CELF2: variants seen among roughly 807,000 people sequenced by gnomAD.
CELF2 encodes CUGBP Elav-like family member 2, also known as CUG triplet repeat RNA-binding protein 2.
CELF2 carries 8 observed loss-of-function variants against 62.6 expected under a neutral mutation model. That is an observed-to-expected ratio of 0.13 (90% CI 0.07 to 0.23). The LOEUF is 0.23. Among genes scored for constraint, CELF2 ranks in the 10% least tolerant of loss-of-function variants. The probability of loss-of-function intolerance (pLI) is 1.00; values close to 1 mark genes in which losing one functional copy is unlikely to be tolerated. For synonymous variants in CELF2, 258 were observed against 250.0 expected (o/e 1.03, Z -0.30); for missense variants, 333 against 671.0 (o/e 0.50, Z 5.56).
At chr10:10,705,770 C>T in the CELF2 span, among the ~76,000 whole-genome samples, 2 of 152,182 alleles carry the variant, frequency 1.3e-5, no homozygotes, top group Non-Finnish European at 2.9e-5. Context: ...TAACATTTGG[C>T]AACCTCGTAA....
chr10:10,701,610 A>T, the CELF2 span, among the ~76,000 whole-genome samples: 1 of 152,252 alleles, frequency 6.6e-6, no homozygotes, highest in African/African-American at 2.4e-5. Flanking sequence ...ATATGTAAGC[A>T]TTACTATAAC....
At chr10:10,488,245 A>G in the CELF2 span, among the ~76,000 whole-genome samples, 2 of 152,186 alleles carry the variant, frequency 1.3e-5, no homozygotes, top group Admixed American at 6.5e-5. Flanking sequence ...AAATCAATAT[A>G]GCGATGAAAA....
chr10:11,242,527 C>T lies in CELF2; in HGVS notation c.355-6626C>T, dbSNP rs977364724. On this transcript the variant is annotated intron_variant, in intron 3 of 12. Transcript: ENST00000633077. The surrounding 1 kb of genome is among the most constrained non-coding windows in gnomAD (Gnocchi z 4.8). ...GTATAGCTGCTGGGTGCAGCTGCTC[C>T]GTGGCCAGCTTCACGGCGGCACCAG... Among the ~76,000 whole-genome samples the T allele has an allele frequency of 5.9e-5, 9 of 152,284 alleles. No individual in the cohort carries two copies. Among genetic ancestry groups the T allele is most frequent in the Middle Eastern group, 6.8e-3 (2 of 294 alleles).
rs2060754402 is a variant in CELF2 at position 11,207,626 on chromosome 10, C to T, written c.272-9799C>T. On this transcript the variant is annotated intron_variant, in intron 2 of 12. Transcript: ENST00000633077. The surrounding 1 kb of genome is among the most constrained non-coding windows in gnomAD (Gnocchi z 4.1). ...GTCCCACGCTGCCAGTGTAAGTTTC[C>T]CAGGGGAATTCCTGGGATGGCACTT... Among the ~76,000 whole-genome samples the T allele has an allele frequency of 6.6e-6, 1 of 152,208 alleles. No homozygotes were observed. Among genetic ancestry groups the T allele is most frequent in the South Asian group, 2.1e-4 (1 of 4,832 alleles).
chr10:11,038,549 G>C (rs1384201635), intron 1 of CELF2, among the ~76,000 whole-genome samples: 1 of 152,080 alleles, frequency 6.6e-6, no homozygotes, highest in Non-Finnish European at 1.5e-5. Flanking sequence ...TAGTAGTTAT[G>C]GTACTGGGAC....
the CELF2 span, among the ~76,000 whole-genome samples, chr10:10,481,010 C>T: frequency 6.6e-6 from 1 of 152,068 alleles, no homozygotes; most frequent in African/African-American, 2.4e-5. Flanking sequence ...TTGCAGTGAG[C>T]CGAGATCGCA....
chr10:10,896,613 A>G (rs2062571161), intron 1 of CELF2, among the ~76,000 whole-genome samples: 1 of 152,086 alleles, frequency 6.6e-6, no homozygotes, highest in Non-Finnish European at 1.5e-5. Flanking sequence ...ACAGGTGACA[A>G]CAGAGGCGGA....
At chr10:10,782,915 C>T in the CELF2 span, among the ~76,000 whole-genome samples, 1 of 152,186 alleles carries the variant, frequency 6.6e-6, no homozygotes, top group African/African-American at 2.4e-5. Context: ...CGTAGACCCT[C>T]CCTTGTGAAT....
chr10:10,787,117 C>T, the CELF2 span, among the ~76,000 whole-genome samples: 6 of 152,104 alleles, frequency 3.9e-5, no homozygotes, highest in African/African-American at 1.2e-4. Context: ...AAGTTCCTCC[C>T]TTGCATTTGT....
rs183418517 is a variant in CELF2 at position 11,246,938 on chromosome 10, A to C, written c.355-2215A>C. Among the ~76,000 whole-genome samples, 1 of 152,076 alleles carries C rather than the reference A, an allele frequency of 6.6e-6. No individual in the cohort carries two copies. Among genetic ancestry groups the C allele is most frequent in the Non-Finnish European group, 1.5e-5 (1 of 68,000 alleles). On this transcript the variant is annotated intron_variant, in intron 3 of 12. Coordinates refer to ENST00000633077, the MANE Select transcript of CELF2 (RefSeq NM_001326342.2). This position sits in a 1 kb window ranked among gnomAD's most constrained non-coding sequence, Gnocchi z 4.6. Reference sequence around the variant, plus strand: ...ACCTGCGCTCGTCAGCCGCCTCTGAAACTCTTTGCTCATGCTTTCCCCATT... The same window carrying C: ...ACCTGCGCTCGTCAGCCGCCTCTGACACTCTTTGCTCATGCTTTCCCCATT...
chr10:11,032,285 C>A (rs2060257215), intron 1 of CELF2, among the ~76,000 whole-genome samples: 1 of 151,840 alleles, frequency 6.6e-6, no homozygotes, highest in Non-Finnish European at 1.5e-5. Context: ...CAAGATGAGA[C>A]CCAGTTTCTA....
intron 1 of CELF2, among the ~76,000 whole-genome samples, chr10:10,808,775 T>C (rs1165511807): frequency 6.6e-6 from 1 of 152,146 alleles, no homozygotes; most frequent in East Asian, 1.9e-4. Context: ...AGAATCTTTC[T>C]CTCCTAGGAA....
intron 1 of CELF2, among the ~76,000 whole-genome samples, chr10:10,840,350 T>C (rs1029227140): frequency 1.8e-4 from 28 of 152,230 alleles, no homozygotes; most frequent in African/African-American, 6.0e-4. Flanking sequence ...TGTTTGTTGC[T>C]CCGCATCCTC....
At chr10:11,313,187 CA>C (rs1213707947) in intron 9 of CELF2, among the ~76,000 whole-genome samples, 2 of 152,132 alleles carry the variant, frequency 1.3e-5, no homozygotes, top group African/African-American at 2.4e-5. Flanking sequence ...AAATTAGAAA[CA>C]AAAAGGTTGC....
intron 2 of CELF2, among the ~76,000 whole-genome samples, chr10:11,184,773 C>A (rs1288729643): frequency 6.6e-6 from 1 of 152,150 alleles, no homozygotes; most frequent in Admixed American, 6.5e-5. Flanking sequence ...TAAACTCATT[C>A]TAGTAGCTTT....
At chr10:11,301,544 G>A (rs1392041065) in intron 9 of CELF2, among the ~76,000 whole-genome samples, 8 of 121,412 alleles carry the variant, frequency 6.6e-5, no homozygotes, top group African/African-American at 2.2e-4. Flanking sequence ...CGCTGCCCCC[G>A]GCCCCGACTC....
At chr10:10,576,522 T>C in the CELF2 span, among the ~76,000 whole-genome samples, 8 of 152,304 alleles carry the variant, frequency 5.3e-5, no homozygotes, top group Non-Finnish European at 7.4e-5. Flanking sequence ...TTAATTTGCA[T>C]TAAGAACCCG....
intron 1 of CELF2, among the ~76,000 whole-genome samples, chr10:11,115,477 T>C (rs1372325311): frequency 1.3e-5 from 2 of 152,164 alleles, no homozygotes; most frequent in South Asian, 4.1e-4. Flanking sequence ...TTGTGAGTCA[T>C]AGGGATCCAT....
intron 2 of CELF2, among the ~76,000 whole-genome samples, chr10:11,180,129 T>C (rs552525762): frequency 7.2e-5 from 11 of 152,314 alleles, no homozygotes; most frequent in African/African-American, 2.2e-4. Context: ...TAAAACTCCA[T>C]ACCCGTCTGA....
Sources: allele counts gnomAD v4.1 joint callset (sites outside exome capture counted in the v4.1 genomes callset), GRCh38; gene constraint gnomAD v4.1.1; non-coding constraint Gnocchi (gnomAD v3.1); transcripts MANE v1.5; gene names NCBI Gene and HGNC (gene_info 2026-07-23, HGNC 2026-07-21).